The following TENM4 variants were observed in gnomAD, a reference collection of about 807,000 sequenced individuals.
TENM4 encodes teneurin-4.
TENM4 carries 82 observed loss-of-function variants against 243.3 expected under a neutral mutation model. That is an observed-to-expected ratio of 0.34 (90% confidence interval 0.28 to 0.40). The LOEUF (loss-of-function observed/expected upper bound fraction) is 0.40, where lower values mean the gene tolerates loss of function less well. Ranked by LOEUF, TENM4 falls within the 10% of genes least tolerant of loss-of-function variation. The pLI, the probability that TENM4 is intolerant of heterozygous loss-of-function variation, is 1.00. For synonymous variants in TENM4, 1,412 were observed against 1,456.3 expected (o/e 0.97, Z 0.69); for missense variants, 3,138 against 3,673.3 (o/e 0.85, Z 3.77).
At chr11:79,096,689 C>T (rs1343450009) in intron 4 of TENM4, 1 of 152,492 alleles carries the variant, frequency 6.6e-6, no homozygotes, top group African/African-American at 2.4e-5. Flanking sequence ...GAAGGACAAA[C>T]CCAGCCAAAC....
chr11:78,695,992 C>T (rs748002917), intron 28 of TENM4, among the ~76,000 whole-genome samples: 5 of 151,604 alleles, frequency 3.3e-5, no homozygotes, highest in African/African-American at 4.9e-5. Flanking sequence ...TATTTTTTCC[C>T]TCTTCTCCTG....
intron 12 of TENM4, among the ~76,000 whole-genome samples, chr11:78,847,464 A>G (rs1591067806): frequency 6.6e-6 from 1 of 152,220 alleles, no homozygotes; most frequent in African/African-American, 2.4e-5. Context: ...CTGCAGATGT[A>G]GTGCTCTGAT....
chr11:78,862,929 G>A (rs1480289844), intron 10 of TENM4, 33 bp downstream of exon 10: 1 of 1,384,338 alleles, frequency 7.2e-7, no homozygotes. Flanking sequence ...CAGACACAGA[G>A]GACTCACAAC....
At chr11:79,409,105 C>T (rs61882556) in intron 1 of TENM4, among the ~76,000 whole-genome samples, 14,438 of 76,896 alleles carry the variant, frequency 0.19, 747 homozygotes, top group African/African-American at 0.26. Context: ...TGTGTGTGCG[C>T]GCGCGCGCGT....
intron 18 of TENM4, among the ~76,000 whole-genome samples, chr11:78,766,873 T>C (rs1319243891): frequency 6.6e-6 from 1 of 152,064 alleles, no homozygotes; most frequent in Non-Finnish European, 1.5e-5. Context: ...CAGCTAATTT[T>C]TTGCATTTTT....
chr11:78,761,103 A>G (rs1007461123), intron 18 of TENM4, among the ~76,000 whole-genome samples: 7 of 151,890 alleles, frequency 4.6e-5, no homozygotes, highest in Non-Finnish European at 8.8e-5. Context: ...ATCCTTCTGC[A>G]TGTTGTAGTT....
intron 28 of TENM4, among the ~76,000 whole-genome samples, chr11:78,699,943 G>A (rs1349808983): frequency 5.3e-5 from 8 of 152,316 alleles, no homozygotes; most frequent in Admixed American, 4.6e-4. Flanking sequence ...ATTATTTAGC[G>A]TATTTCCATT....
At chr11:78,917,698 C>A (rs1257305658) in intron 6 of TENM4, among the ~76,000 whole-genome samples, 1 of 152,084 alleles carries the variant, frequency 6.6e-6, no homozygotes, top group African/African-American at 2.4e-5. Context: ...TGCTGGGCTG[C>A]TAGTTAGTCT....
intron 6 of TENM4, among the ~76,000 whole-genome samples, chr11:79,020,995 G>A (rs1227161097): frequency 6.6e-6 from 1 of 152,198 alleles, no homozygotes; most frequent in Admixed American, 6.5e-5. Context: ...CCTTTCCTGA[G>A]TGCTTCAGGG....
intron 12 of TENM4, among the ~76,000 whole-genome samples, chr11:78,822,281 T>A (rs556295): frequency 0.43 from 65,852 of 152,018 alleles, 14,877 homozygotes; most frequent in Middle Eastern, 0.55. Flanking sequence ...ACTTGTTAAG[T>A]GACACTGATC....
chr11:78,904,457 G>A (rs1329586081), intron 6 of TENM4, among the ~76,000 whole-genome samples: 1 of 151,882 alleles, frequency 6.6e-6, no homozygotes, highest in African/African-American at 2.4e-5. Context: ...GTGTATGTAA[G>A]GGCAGTGGTG....
chr11:78,911,058 A>T (rs1856173621), intron 6 of TENM4, among the ~76,000 whole-genome samples: 1 of 152,242 alleles, frequency 6.6e-6, no homozygotes, highest in African/African-American at 2.4e-5. Flanking sequence ...GAACACTCAG[A>T]TTATTAAATT....
Position 79,253,379 on chromosome 11 carries a change from G to T in TENM4, c.-264-37470C>A, listed in dbSNP as rs146113078. On this transcript the variant is annotated intron_variant, in intron 2 of 33. Coordinates refer to ENST00000278550, the MANE Select transcript of TENM4 (RefSeq NM_001098816.3). ...TGCCGGGAAAACAAATCCCCTTCAT[G>T]CCAGGAAACAAACAAACACTGCACT... Among the ~76,000 whole-genome samples the T allele has an allele frequency of 4.1e-4, 63 of 152,300 alleles. 1 individual carries two copies. Among genetic ancestry groups the T allele is most frequent in the African/African-American group, 1.4e-3 (60 of 41,560 alleles).
intron 31 of TENM4, among the ~76,000 whole-genome samples, chr11:78,671,139 G>T (rs1422321127): frequency 2.0e-5 from 3 of 152,194 alleles, no homozygotes; most frequent in Non-Finnish European, 2.9e-5. Flanking sequence ...TTTGCACAAT[G>T]ACAGGTCATA....
At chr11:79,144,901 T>G (rs921673456) in intron 4 of TENM4, among the ~76,000 whole-genome samples, 2 of 152,038 alleles carry the variant, frequency 1.3e-5, no homozygotes, top group Non-Finnish European at 2.9e-5. Context: ...AATAATTTAT[T>G]GTACATTTAA....
chr11:79,157,939 T>C (rs1344261518), intron 3 of TENM4, among the ~76,000 whole-genome samples: 2 of 152,176 alleles, frequency 1.3e-5, no homozygotes, highest in Admixed American at 1.3e-4. Flanking sequence ...TTCTAACTAG[T>C]CTGGGGAGTT....
At chr11:79,342,094 A>G (rs1857251391) in intron 1 of TENM4, among the ~76,000 whole-genome samples, 1 of 152,186 alleles carries the variant, frequency 6.6e-6, no homozygotes, top group Admixed American at 6.5e-5. Context: ...TTTCCCCACA[A>G]TCACAGAGGA....
intron 12 of TENM4, among the ~76,000 whole-genome samples, chr11:78,824,563 A>G (rs1857810101): frequency 6.8e-6 from 1 of 146,526 alleles, no homozygotes; most frequent in Non-Finnish European, 1.5e-5. Context: ...GTGCAGTGGC[A>G]CGATCTCGGC....
At chr11:79,379,316 A>G (rs565782336) in intron 1 of TENM4, among the ~76,000 whole-genome samples, 1 of 152,188 alleles carries the variant, frequency 6.6e-6, no homozygotes, top group African/African-American at 2.4e-5. Flanking sequence ...TTTTATTTTA[A>G]TTGTGATGCT....
Sources: gnomAD v4.1 joint callset for allele counts (sites outside exome capture counted in the v4.1 genomes callset) on GRCh38, gnomAD v4.1.1 for gene constraint, MANE v1.5 for transcripts, NCBI Gene and HGNC (gene_info 2026-07-23, HGNC 2026-07-21) for gene names.